The following FHIT variants were observed in gnomAD, a reference collection of about 807,000 sequenced individuals.
The protein encoded by FHIT is fragile histidine triad diadenosine triphosphatase, also known as bis(5'-adenosyl)-triphosphatase.
FHIT carries 19 observed loss-of-function variants against 17.9 expected under a neutral mutation model. That is an observed-to-expected ratio of 1.06 (90% CI 0.74 to 1.56). The LOEUF (loss-of-function observed/expected upper bound fraction) is 1.56. Ranked by LOEUF, FHIT falls within the 40% of genes most tolerant of loss-of-function variation. FHIT has a pLI of 0.00. For synonymous variants in FHIT, 81 were observed against 69.7 expected, an observed-to-expected ratio of 1.16 and a Z score of -0.81; for missense variants, 248 against 189.2, an observed-to-expected ratio of 1.31 and a Z score of -1.82.
chr3:60,566,347 A>G (rs902016791), intron 4 of FHIT, among the ~76,000 whole-genome samples: 71 of 152,168 alleles, frequency 4.7e-4, no homozygotes, highest in Non-Finnish European at 7.3e-4. Context: ...AACAGAACCA[A>G]CGACAAAAAC....
At chr3:60,651,652 T>A (rs1428532045) in intron 4 of FHIT, among the ~76,000 whole-genome samples, 1 of 152,168 alleles carries the variant, frequency 6.6e-6, no homozygotes, top group Non-Finnish European at 1.5e-5. Flanking sequence ...TTGGAGGCTG[T>A]AGAAAAATGA....
intron 3 of FHIT, among the ~76,000 whole-genome samples, chr3:60,889,429 C>A (rs114812718): frequency 0.018 from 2,810 of 152,248 alleles, 38 homozygotes; most frequent in Middle Eastern, 0.041. Flanking sequence ...GTTTCTTTTG[C>A]GGCACCGAAA....
At chr3:60,249,302 AC>A (rs1705566774) in intron 5 of FHIT, among the ~76,000 whole-genome samples, 1 of 152,130 alleles carries the variant, frequency 6.6e-6, no homozygotes, top group Non-Finnish European at 1.5e-5. Context: ...AATCTGGAAG[AC>A]AAAATTCTGT....
intron 7 of FHIT, among the ~76,000 whole-genome samples, chr3:59,981,498 T>C (rs1035717261): frequency 2.6e-5 from 4 of 152,114 alleles, no homozygotes; most frequent in African/African-American, 9.7e-5. Context: ...AGGCCATCAG[T>C]GGGGACGTGA....
At chr3:60,888,214 A>G (rs1456486208) in intron 3 of FHIT, among the ~76,000 whole-genome samples, 2 of 152,194 alleles carry the variant, frequency 1.3e-5, no homozygotes, top group Non-Finnish European at 2.9e-5. Flanking sequence ...GTTGCACATT[A>G]ACAGTTAAAA....
chr3:60,102,220 A>G (rs769568505), intron 5 of FHIT, among the ~76,000 whole-genome samples: 7 of 152,228 alleles, frequency 4.6e-5, no homozygotes, highest in Non-Finnish European at 8.8e-5. Flanking sequence ...CAACATCTCA[A>G]TCACTACGCT....
intron 5 of FHIT, among the ~76,000 whole-genome samples, chr3:60,078,074 C>A (rs946023765): frequency 6.6e-6 from 1 of 151,944 alleles, no homozygotes; most frequent in African/African-American, 2.4e-5. Context: ...TAGAAAGTTA[C>A]CATTTAACAA....
In FHIT at chr3:60,612,812, G is replaced by A. The variant is rs56861190; in HGVS notation, c.-17-75833C>T. ...ACCACTCCCATCTCCTCAGGCTGTG[G>A]CAGACATTATTAATCAATAACAGAA... is the stretch of plus-strand genomic sequence containing the variant. On this transcript the variant is annotated intron_variant, in intron 4 of 9. Transcript: ENST00000492590. 7.3e-3 allele frequency among the ~76,000 whole-genome samples: 1,116 copies of A among 152,236 alleles called. 11 individuals are homozygous for A. Among genetic ancestry groups the A allele is most frequent in the African/African-American group, 0.025 (1,054 of 41,542 alleles).
At chr3:60,304,688 A>G (rs937981997) in intron 5 of FHIT, among the ~76,000 whole-genome samples, 4 of 152,144 alleles carry the variant, frequency 2.6e-5, no homozygotes. Context: ...TACTTATTCT[A>G]AACTGTTTTT....
At chr3:60,874,189 A>C (rs1424272810) in intron 3 of FHIT, among the ~76,000 whole-genome samples, 1 of 152,208 alleles carries the variant, frequency 6.6e-6, no homozygotes. Context: ...GGCTGTCGTT[A>C]GAATTTTAAA....
At chr3:59,999,392 A>C (rs1360413349) in intron 7 of FHIT, among the ~76,000 whole-genome samples, 1 of 152,156 alleles carries the variant, frequency 6.6e-6, no homozygotes, top group South Asian at 2.1e-4. Context: ...ATTGGAAGTT[A>C]AGCTCTTCTA....
chr3:61,179,680 T>G lies in FHIT; in HGVS notation c.-164+20937A>C, dbSNP rs549783583. Among the ~76,000 whole-genome samples, 4 of 127,478 alleles carry G rather than the reference T, an allele frequency of 3.1e-5. No homozygotes were observed. The South Asian group carries it at 1.1e-3, about 34-fold the overall frequency. The allele number at this position is 127,478 out of a possible 152,430, so 83.6% of individuals were successfully genotyped here. A position where few individuals can be genotyped will look rare whatever the true frequency, so the allele number is the denominator to read the frequency against. On this transcript the variant is annotated intron_variant, in intron 2 of 9. Transcript: ENST00000492590. ...CTATAATTGTGCCACTGCACTCCAG[T>G]CTGGGTGACAGAGCAAGACCCTATC...
In FHIT at chr3:61,093,032, A is replaced by G. The variant is rs1308765203; in HGVS notation, c.-163-50933T>C. On this transcript the variant is annotated intron_variant, in intron 2 of 9. Transcript: ENST00000492590. ...CAGGGCCCTGAGGGCACACAGAGCTAAGACAAATCCCAGTGTGGTCCACCC... is the reference window on the plus strand; with the variant it reads ...CAGGGCCCTGAGGGCACACAGAGCTGAGACAAATCCCAGTGTGGTCCACCC... Among the ~76,000 whole-genome samples, 3 of 152,300 alleles carry G rather than the reference A, an allele frequency of 2.0e-5. No homozygotes were observed. In the South Asian group the frequency reaches 6.2e-4, roughly 32 times the overall value.
At position 60,536,894 on chromosome 3, in the gene FHIT, G is replaced by A. The variant is rs746373823; in HGVS notation, c.69C>T (p.Phe23=). The A allele has an allele frequency of 4.8e-5, 78 of 1,612,522 alleles. No individual in the cohort carries two copies. In the East Asian group the frequency reaches 9.1e-4, roughly 19 times the overall value. Reference sequence around the variant, plus strand: ...CCACAGGTTTCCTATTCACAAGAGCGAAGGACAGTTCTGTTTTGAGAAACA... The same window carrying A: ...CCACAGGTTTCCTATTCACAAGAGCAAAGGACAGTTCTGTTTTGAGAAACA... ...SVVFLKTELS[F]ALVNRKPVVP... Residue 23 remains phenylalanine (F), a synonymous_variant, in exon 5 of 10, where the codon TTC becomes TTT. Transcript: ENST00000492590.
intron 8 of FHIT, among the ~76,000 whole-genome samples, chr3:59,827,974 TA>T (rs1419482720): frequency 2.0e-5 from 3 of 152,196 alleles, no homozygotes; most frequent in Non-Finnish European, 4.4e-5. Flanking sequence ...CACCTCACAT[TA>T]AAGAGGCACT....
At position 60,882,215 on chromosome 3, in the gene FHIT, C is replaced by G. The variant is rs1314338674; in HGVS notation, c.-110-60204G>C. ...ACCTAAACACACCAATTACAAGCAACAAGTTGAATCAATAATTTTAAAAAT... is the reference window on the plus strand; with the variant it reads ...ACCTAAACACACCAATTACAAGCAAGAAGTTGAATCAATAATTTTAAAAAT... On this transcript the variant is annotated intron_variant, in intron 3 of 9. Coordinates refer to ENST00000492590, the MANE Select transcript of FHIT (RefSeq NM_002012.4). 2.0e-5 allele frequency among the ~76,000 whole-genome samples: 3 copies of G among 152,110 alleles called. No homozygotes were observed. In the South Asian group the frequency reaches 6.2e-4, roughly 32 times the overall value.
chr3:60,131,111 A>G (rs1217426354), intron 5 of FHIT, among the ~76,000 whole-genome samples: 1 of 135,778 alleles, frequency 7.4e-6, no homozygotes, highest in African/African-American at 2.8e-5. Context: ...ACACAAACCC[A>G]CAGTCATCCC....
At chr3:60,913,321 G>A (rs1706838462) in intron 3 of FHIT, among the ~76,000 whole-genome samples, 1 of 152,170 alleles carries the variant, frequency 6.6e-6, no homozygotes, top group Non-Finnish European at 1.5e-5. Flanking sequence ...ATAATAATAA[G>A]CAACTTGTAA....
chr3:60,229,431 A>AG (rs1704381829), intron 5 of FHIT, among the ~76,000 whole-genome samples: 2 of 151,864 alleles, frequency 1.3e-5, no homozygotes, highest in African/African-American at 4.8e-5. Flanking sequence ...AAAGAAAAAA[A>AG]AAAAAAGAAA....
Sources: allele counts gnomAD v4.1 joint callset (sites outside exome capture counted in the v4.1 genomes callset), GRCh38; gene constraint gnomAD v4.1.1; transcripts MANE v1.5; gene names NCBI Gene and HGNC (gene_info 2026-07-23, HGNC 2026-07-21).